Variants in PACRG observed in about 807,000 individuals in gnomAD.
PACRG encodes the protein parkin coregulated.
Under a neutral mutation model 29.7 loss-of-function variants are expected in PACRG, and 29 were observed. The observed-to-expected ratio is 0.98, with a 90% CI of 0.73 to 1.33. The LOEUF (loss-of-function observed/expected upper bound fraction) is 1.33. PACRG is among the 40% of genes most tolerant of loss of function. PACRG has a pLI of 0.00. For missense variants in PACRG, 279 were observed against 316.2 expected (o/e 0.88, Z 0.89); for synonymous variants, 116 against 118.7 (o/e 0.98, Z 0.15).
At chr6:163,107,015 G>A (rs16894462) in intron 4 of PACRG, among the ~76,000 whole-genome samples, 1,927 of 152,250 alleles carry the variant, frequency 0.013, 84 homozygotes, top group Admixed American at 0.082. Context: ...CAAGAAGAAA[G>A]TCATTCTGTC....
At chr6:163,054,449 G>A (rs1314034217) in intron 2 of PACRG, among the ~76,000 whole-genome samples, 1 of 152,156 alleles carries the variant, frequency 6.6e-6, no homozygotes, top group Non-Finnish European at 1.5e-5. Context: ...GAAAATACAT[G>A]TGTGTTTTTC....
chr6:163,193,574 C>A (rs1420090186), intron 4 of PACRG, among the ~76,000 whole-genome samples: 1 of 152,104 alleles, frequency 6.6e-6, no homozygotes, highest in East Asian at 1.9e-4. Context: ...GCATGGTGGC[C>A]TCCTGAGAAC....
At chr6:163,054,668 A>C (rs1810378715) in intron 2 of PACRG, among the ~76,000 whole-genome samples, 1 of 152,150 alleles carries the variant, frequency 6.6e-6, no homozygotes, top group Admixed American at 6.5e-5. Context: ...AGGAAGAAAA[A>C]GGGGAAACAG....
chr6:163,260,895 C>T (rs1003168595), intron 4 of PACRG, among the ~76,000 whole-genome samples: 2 of 152,128 alleles, frequency 1.3e-5, no homozygotes, highest in African/African-American at 4.8e-5. Context: ...GGTCTCAGGA[C>T]CATGTCTGTA....
At chr6:162,792,653 G>A (rs1785051619) in intron 1 of PACRG, among the ~76,000 whole-genome samples, 1 of 152,212 alleles carries the variant, frequency 6.6e-6, no homozygotes, top group African/African-American at 2.4e-5. Context: ...ATTTTAGAGA[G>A]AAAACAACCA....
At chr6:162,995,658 T>C (rs1237714230) in intron 2 of PACRG, among the ~76,000 whole-genome samples, 2 of 152,232 alleles carry the variant, frequency 1.3e-5, no homozygotes, top group Non-Finnish European at 2.9e-5. Flanking sequence ...CCTAGTGAGA[T>C]GAACCCGGTA....
chr6:163,116,461 G>A (rs1021024878), intron 4 of PACRG, among the ~76,000 whole-genome samples: 1 of 152,154 alleles, frequency 6.6e-6, no homozygotes, highest in African/African-American at 2.4e-5. Flanking sequence ...ATCAAATGGG[G>A]GGGATGTGTC....
rs924421082 is a variant in PACRG, at chr6:162,955,910, C to A, written c.292-106240C>A. On this transcript the variant is annotated intron_variant, in intron 2 of 4. Transcript: ENST00000366888. ...GGCTGGCAACAGCCTTGTACGTGTA[C>A]ACATGCCTGGGGGGACAGCTGGGCT... Among the ~76,000 whole-genome samples the A allele has an allele frequency of 2.0e-5, 3 of 152,280 alleles. No homozygotes were observed. The East Asian group carries it at 5.8e-4, about 29-fold the overall frequency.
intron 4 of PACRG, among the ~76,000 whole-genome samples, chr6:163,128,145 G>A (rs1816591190): frequency 6.6e-6 from 1 of 152,178 alleles, no homozygotes; most frequent in African/African-American, 2.4e-5. Context: ...CTTAAAATTG[G>A]ATGAAATTGA....
chr6:162,874,279 C>A (rs923743130), intron 2 of PACRG, among the ~76,000 whole-genome samples: 10 of 151,924 alleles, frequency 6.6e-5, no homozygotes, highest in Admixed American at 6.6e-4. Flanking sequence ...ATTAATAAGA[C>A]AAACTATTTT....
At chr6:162,849,835 G>A (rs1790711092) in intron 2 of PACRG, among the ~76,000 whole-genome samples, 1 of 152,164 alleles carries the variant, frequency 6.6e-6, no homozygotes, top group African/African-American at 2.4e-5. Flanking sequence ...ACAGTAAATA[G>A]TCGCTAATCA....
chr6:163,103,287 G>A (rs1360881782), intron 4 of PACRG, among the ~76,000 whole-genome samples: 1 of 152,156 alleles, frequency 6.6e-6, no homozygotes, highest in Admixed American at 6.5e-5. Flanking sequence ...TCCATTTCCT[G>A]GCTGGTTGGC....
intron 2 of PACRG, among the ~76,000 whole-genome samples, chr6:162,862,379 AG>A (rs1486637875): frequency 6.6e-6 from 1 of 152,110 alleles, no homozygotes; most frequent in Admixed American, 6.5e-5. Context: ...GGTGGGGGAG[AG>A]GGGAAGCGTC....
chr6:163,203,866 G>T (rs1461336884), intron 4 of PACRG, among the ~76,000 whole-genome samples: 1 of 152,210 alleles, frequency 6.6e-6, no homozygotes, highest in East Asian at 1.9e-4. Flanking sequence ...AAATGATTCA[G>T]TACACATTTT....
chr6:163,109,839 A>C (rs1192992108), intron 4 of PACRG, among the ~76,000 whole-genome samples: 1 of 152,224 alleles, frequency 6.6e-6, no homozygotes, highest in African/African-American at 2.4e-5. Context: ...AGCCTCCTCC[A>C]CAGTGAAATT....
chr6:163,229,184 A>AC (rs1781925240), intron 4 of PACRG, among the ~76,000 whole-genome samples: 2 of 151,984 alleles, frequency 1.3e-5, no homozygotes, highest in Admixed American at 6.6e-5. Context: ...ACATAGTGAG[A>AC]CCCCCGTCTC....
chr6:163,035,930 G>A (rs1055952879), intron 2 of PACRG, among the ~76,000 whole-genome samples: 4 of 151,612 alleles, frequency 2.6e-5, no homozygotes, highest in African/African-American at 4.8e-5. Context: ...TGGTTCAAAC[G>A]CCTCTGACAG....
chr6:163,227,192 T>TC (rs369623613), intron 4 of PACRG, among the ~76,000 whole-genome samples: 20 of 152,142 alleles, frequency 1.3e-4, no homozygotes, highest in African/African-American at 3.4e-4. Flanking sequence ...GCCATCTGCT[T>TC]CCCAGGAGGC....
At chr6:163,217,059 A>G (rs1781391057) in intron 4 of PACRG, among the ~76,000 whole-genome samples, 1 of 152,236 alleles carries the variant, frequency 6.6e-6, no homozygotes, top group African/African-American at 2.4e-5. Flanking sequence ...CCCAATTTTC[A>G]TTCAAAACTT....
Sources: allele counts gnomAD v4.1 joint callset (sites outside exome capture counted in the v4.1 genomes callset), GRCh38; gene constraint gnomAD v4.1.1; transcripts MANE v1.5; gene names NCBI Gene and HGNC (gene_info 2026-07-23, HGNC 2026-07-21).